The following DCAF13 variants were observed in gnomAD, a reference collection of about 807,000 sequenced individuals.
DCAF13 encodes DDB1 and CUL4 associated factor 13, also known as DDB1- and CUL4-associated factor 13.
DCAF13 carries 38 observed loss-of-function variants against 59.0 expected under a neutral mutation model. That is an observed-to-expected ratio of 0.64 (90% CI 0.50 to 0.84). The LOEUF is 0.84. Ranked by LOEUF, DCAF13 falls within the 40% of genes least tolerant of loss-of-function variation. The pLI is 0.00. For missense variants in DCAF13, 469 were observed against 558.4 expected (o/e 0.84, Z 1.61); for synonymous variants, 173 against 175.0 (o/e 0.99, Z 0.09).
chr8:103,436,259 G>C (rs951184416), intron 8 of DCAF13, among the ~76,000 whole-genome samples: 2 of 152,130 alleles, frequency 1.3e-5, no homozygotes, highest in Admixed American at 1.3e-4. Flanking sequence ...AGAAAAATTA[G>C]TAATAATACT....
At chr8:103,430,762 A>G in intron 6 of DCAF13, 73 bp downstream of exon 6, 3 of 1,044,348 alleles carry the variant, frequency 2.9e-6, no homozygotes, top group Non-Finnish European at 4.2e-6. Flanking sequence ...GTGACTAACA[A>G]TATGGAGCAA....
At chr8:103,426,819 G>A (rs1300527415) in intron 4 of DCAF13, among the ~76,000 whole-genome samples, 2 of 152,012 alleles carry the variant, frequency 1.3e-5, no homozygotes, top group South Asian at 2.1e-4. Context: ...AAGACTAAAT[G>A]TTCTTAAAGG....
intron 3 of DCAF13, among the ~76,000 whole-genome samples, chr8:103,425,592 CT>C: frequency 6.6e-6 from 1 of 152,254 alleles, no homozygotes; most frequent in East Asian, 1.9e-4. Context: ...CAGAAAAGGA[CT>C]TTATCTATTT....
intron 5 of DCAF13, chr8:103,428,272 C>A (rs1586130201): frequency 6.6e-6 from 1 of 152,322 alleles, no homozygotes; most frequent in East Asian, 1.9e-4. Flanking sequence ...TCTAGAGACG[C>A]TACAGGTCTA....
At position 103,439,996 on chromosome 8, in the gene DCAF13, A is replaced by G. The variant is rs993225013; in HGVS notation, c.951-140A>G. ...GGAACCTTATTAGTTGGGTTCAATA[A>G]AAATACATTGACAAGAATTTGAGTT... On this transcript the variant is annotated intron_variant, in intron 8 of 10. Coordinates refer to ENST00000612750, the MANE Select transcript of DCAF13 (RefSeq NM_015420.7). 4.8e-6 allele frequency: 3 copies of G among 629,946 alleles called. No homozygotes were observed. The Admixed American group carries it at 1.2e-4, about 24-fold the overall frequency. The allele number at this position is 629,946 out of a possible 1,614,324, so 39.0% of individuals were successfully genotyped here.
chr8:103,430,501 C>G (rs558648982), intron 5 of DCAF13, 111 bp from the exon 6 acceptor site: 2 of 666,418 alleles, frequency 3.0e-6, no homozygotes, highest in Non-Finnish European at 5.1e-6. Context: ...TTAAAATGGA[C>G]TTTGTTTTTT....
At chr8:103,442,366 CTA>C (rs1017479371) in intron 10 of DCAF13, 3 of 152,894 alleles carry the variant, frequency 2.0e-5, no homozygotes, top group African/African-American at 7.2e-5. Flanking sequence ...AACATGACAT[CTA>C]TCATTTTGGA....
At chr8:103,438,521 G>T (rs146710116) in intron 8 of DCAF13, among the ~76,000 whole-genome samples, 5 of 151,058 alleles carry the variant, frequency 3.3e-5, no homozygotes, top group African/African-American at 1.2e-4. Context: ...CTGGGCTCTA[G>T]TGATCCTCCT....
At chr8:103,434,601 T>C (rs1042725045) in intron 7 of DCAF13, among the ~76,000 whole-genome samples, 3 of 152,034 alleles carry the variant, frequency 2.0e-5, no homozygotes, top group Non-Finnish European at 4.4e-5. Context: ...TTTGTAATTA[T>C]TATATATCTT....
At chr8:103,435,493 G>T (rs1263429718) in intron 7 of DCAF13, 133 bp from the exon 8 acceptor site, 3 of 626,440 alleles carry the variant, frequency 4.8e-6, no homozygotes, top group African/African-American at 3.8e-5. Flanking sequence ...TCACCTGCTT[G>T]TGTACAGCAT....
intron 10 of DCAF13, chr8:103,442,449 A>T (rs1420040795): frequency 6.2e-6 from 1 of 161,924 alleles, no homozygotes; most frequent in African/African-American, 2.4e-5. Context: ...ACTTGAAGTC[A>T]TGCATGAAAT....
intron 7 of DCAF13, among the ~76,000 whole-genome samples, chr8:103,433,283 T>G (rs1207254028): frequency 6.6e-6 from 1 of 152,162 alleles, no homozygotes; most frequent in Non-Finnish European, 1.5e-5. Context: ...TGTGGTCATG[T>G]TATCAGCTAT....
At chr8:103,422,884 AC>A (rs1168774843) in intron 3 of DCAF13, among the ~76,000 whole-genome samples, 1 of 152,226 alleles carries the variant, frequency 6.6e-6, no homozygotes, top group Non-Finnish European at 1.5e-5. Context: ...CTTCTGGGAA[AC>A]CTGATAGCTA....
chr8:103,429,754 A>G (rs1241286808), intron 5 of DCAF13: 1 of 152,246 alleles, frequency 6.6e-6, no homozygotes, highest in African/African-American at 2.4e-5. Context: ...TGTCATACAG[A>G]TATTTTAAAT....
At chr8:103,418,849 TATATATATATATATATA>T (rs370092079) in intron 1 of DCAF13, among the ~76,000 whole-genome samples, 27 of 18,408 alleles carry the variant, frequency 1.5e-3, no homozygotes, top group African/African-American at 6.4e-3. Context: ...TATATATATA[TATATATATATATATATA>T]TTTTTTTTTT....
At chr8:103,435,822 A>G (rs775129996) in intron 8 of DCAF13, 32 bp downstream of exon 8, 5 of 1,604,294 alleles carry the variant, frequency 3.1e-6, no homozygotes, top group Non-Finnish European at 4.3e-6. Context: ...ATTTATATTC[A>G]TATGTCACTT....
At chr8:103,436,643 T>C (rs987089862) in intron 8 of DCAF13, among the ~76,000 whole-genome samples, 2 of 152,170 alleles carry the variant, frequency 1.3e-5, no homozygotes, top group Non-Finnish European at 2.9e-5. Flanking sequence ...TTAAGGAGTT[T>C]GCAAGGGGAA....
rs1327301011 is a variant in DCAF13 at position 103,421,099 on chromosome 8, TAA to T, written c.378+18_378+19del. The stretch of plus-strand genomic sequence containing the variant: ...TTTTTCACTGTAAGTATAATACCAT[TAA>T]GTCATTAAATTTGATCAACATAGGT... On this transcript the variant is annotated intron_variant, in intron 3 of 10. Transcript: ENST00000612750. 7.5e-6 allele frequency: 11 copies of T among 1,467,024 alleles called. No homozygotes were observed. Among genetic ancestry groups the T allele is most frequent in the Non-Finnish European group, 1.1e-5 (11 of 1,046,210 alleles). The allele number at this position is 1,467,024 out of a possible 1,614,324, so 90.9% of individuals were successfully genotyped here. A position where few individuals can be genotyped will look rare whatever the true frequency, so the allele number is the denominator to read the frequency against.
At chr8:103,439,383 C>CTTTTTTTTT (rs34676422) in intron 8 of DCAF13, 8 of 85,790 alleles carry the variant, frequency 9.3e-5, no homozygotes, top group Admixed American at 1.5e-4. Context: ...TTTAATTAAG[C>CTTTTTTTTT]TTTTTTTTTT....
Sources: gnomAD v4.1 joint callset for allele counts (sites outside exome capture counted in the v4.1 genomes callset) on GRCh38, gnomAD v4.1.1 for gene constraint, MANE v1.5 for transcripts, NCBI Gene and HGNC (gene_info 2026-07-23, HGNC 2026-07-21) for gene names.